ZFAND3: variants seen among roughly 807,000 people sequenced by gnomAD.
ZFAND3 encodes zinc finger AN1-type containing 3.
Under a neutral mutation model 29.6 loss-of-function variants are expected in ZFAND3, and 10 were observed. The ratio of observed to expected loss-of-function variants is 0.34; its 90% CI spans 0.21 to 0.57. ZFAND3 has a LOEUF of 0.57. ZFAND3 is among the 20% of genes least tolerant of loss of function. The pLI is 0.86. For missense variants in ZFAND3, 230 were observed against 304.5 expected (o/e 0.76, Z 1.82); for synonymous variants, 128 against 112.6 (o/e 1.14, Z -0.87).
intron 1 of ZFAND3, among the ~76,000 whole-genome samples, chr6:37,877,151 T>C (rs561001184): frequency 6.6e-6 from 1 of 152,318 alleles, no homozygotes; most frequent in Admixed American, 6.5e-5. Flanking sequence ...ATCAATAAAG[T>C]GGGTGATTTA....
At chr6:38,082,558 C>G in intron 4 of ZFAND3, 101 bp downstream of exon 4, 1 of 1,115,494 alleles carries the variant, frequency 9.0e-7, no homozygotes, top group South Asian at 1.4e-5. Context: ...ACTCTGATTT[C>G]TTCCGTCAGT....
chr6:37,981,873 A>T (rs150270908), intron 2 of ZFAND3, among the ~76,000 whole-genome samples: 6 of 152,270 alleles, frequency 3.9e-5, no homozygotes, highest in Admixed American at 2.0e-4. Context: ...TTGGTTTTAT[A>T]TATTTTAAGG....
At position 38,116,753 on chromosome 6, in the gene ZFAND3, C is replaced by T. The variant is rs1316255196; in HGVS notation, c.529+14C>T. 1 of 1,612,142 alleles carries T rather than the reference C, an allele frequency of 6.2e-7. No homozygotes were observed. The highest frequency in any genetic ancestry group is 1.1e-5 in the South Asian group (1 of 90,958). On this transcript the variant is annotated intron_variant, in intron 5 of 5. Coordinates refer to ENST00000287218, the MANE Select transcript of ZFAND3 (RefSeq NM_021943.3). ...CGTGTCGCTGCGGTAAGCATCTCCCCCAGTGGCGTGATGGAGACTATATCC... is the reference window on the plus strand; with the variant it reads ...CGTGTCGCTGCGGTAAGCATCTCCCTCAGTGGCGTGATGGAGACTATATCC...
At chr6:37,896,554 C>CTT (rs150225875) in intron 1 of ZFAND3, among the ~76,000 whole-genome samples, 1 of 137,698 alleles carries the variant, frequency 7.3e-6, no homozygotes, top group African/African-American at 2.8e-5. Context: ...TTCTTTCTTT[C>CTT]TTTCTTTCTT....
rs933082017 is a variant in ZFAND3 at position 37,828,854 on chromosome 6, G to A, written c.71+8838G>A. Reference sequence around the variant, plus strand: ...TTTAGTAGAGACGGGGTTTCACCGTGTTAGCCAGGATGGTCTCAATCTCCT... The same window carrying A: ...TTTAGTAGAGACGGGGTTTCACCGTATTAGCCAGGATGGTCTCAATCTCCT... On this transcript the variant is annotated intron_variant, in intron 1 of 5. Coordinates refer to ENST00000287218, the MANE Select transcript of ZFAND3 (RefSeq NM_021943.3). Among the ~76,000 whole-genome samples the A allele has an allele frequency of 7.9e-5, 12 of 152,162 alleles. 1 individual carries two copies. In the East Asian group the frequency reaches 2.1e-3, roughly 27 times the overall value.
At chr6:37,991,072 T>C (rs1386657799) in intron 2 of ZFAND3, among the ~76,000 whole-genome samples, 2 of 151,544 alleles carry the variant, frequency 1.3e-5, no homozygotes, top group African/African-American at 4.8e-5. Context: ...TTGAAAGATC[T>C]CTTTTTTTAA....
intron 3 of ZFAND3, among the ~76,000 whole-genome samples, chr6:38,070,414 A>G (rs865855452): frequency 7.0e-4 from 69 of 99,154 alleles, no homozygotes; most frequent in African/African-American, 1.7e-3. Context: ...AACTTAGTCT[A>G]AAAAAAAAAA....
rs1766275433 is a variant in ZFAND3, at chr6:38,153,358, T to C, written c.*969T>C. 2 of 985,506 alleles carry C rather than the reference T, an allele frequency of 2.0e-6. No individual in the cohort carries two copies. Among genetic ancestry groups the C allele is most frequent in the East Asian group, 2.3e-4 (2 of 8,818 alleles). The allele number at this position is 985,506 out of a possible 1,614,324, so 61.0% of individuals were successfully genotyped here. A position where few individuals can be genotyped will look rare whatever the true frequency, so the allele number is the denominator to read the frequency against. On this transcript the variant is annotated 3_prime_UTR_variant, in exon 6 of 6. Transcript: ENST00000287218. Reference sequence around the variant, plus strand: ...GCTGCCGCCCACGGGCTCTGCCCCTTCCAGCTGGAGCCGCCCGTGCCTCCA... The same window carrying C: ...GCTGCCGCCCACGGGCTCTGCCCCTCCCAGCTGGAGCCGCCCGTGCCTCCA...
intron 1 of ZFAND3, 84 bp downstream of exon 1, chr6:37,820,100 G>A: frequency 1.8e-6 from 2 of 1,108,430 alleles, no homozygotes; most frequent in African/African-American, 3.3e-5. Context: ...CGGGGCCCGG[G>A]AGGCCGGAAC....
chr6:38,127,648 TACCACCAGAATTAG>T (rs1398819158), intron 5 of ZFAND3, among the ~76,000 whole-genome samples: 65 of 152,110 alleles, frequency 4.3e-4, no homozygotes, highest in African/African-American at 1.5e-3. Context: ...TAGAATCACG[TACCACCAGAATTAG>T]AAGGAGCCTT....
intron 3 of ZFAND3, 147 bp from the exon 4 acceptor site, chr6:38,082,245 C>A: frequency 1.6e-6 from 1 of 634,408 alleles, no homozygotes; most frequent in Non-Finnish European, 2.7e-6. Flanking sequence ...AGAATTAACC[C>A]ACCACCACCG....
intron 3 of ZFAND3, among the ~76,000 whole-genome samples, chr6:38,065,386 CAA>C (rs1319393799): frequency 6.6e-6 from 1 of 151,476 alleles, no homozygotes; most frequent in East Asian, 1.9e-4. Context: ...ACTTAAGGAG[CAA>C]AAAGGATAGA....
chr6:38,144,190 T>TATATA (rs1766030154), intron 5 of ZFAND3, among the ~76,000 whole-genome samples: 3 of 41,172 alleles, frequency 7.3e-5, no homozygotes, highest in African/African-American at 3.9e-4. Context: ...ATATAATATA[T>TATATA]ATATATATAT....
intron 1 of ZFAND3, among the ~76,000 whole-genome samples, chr6:37,845,501 G>A (rs925363767): frequency 2.6e-5 from 4 of 152,206 alleles, no homozygotes; most frequent in African/African-American, 9.7e-5. Flanking sequence ...GTAGAAAAAT[G>A]TCAGATTTCC....
intron 1 of ZFAND3, among the ~76,000 whole-genome samples, chr6:37,921,800 C>A (rs1293841527): frequency 3.3e-5 from 5 of 150,570 alleles, no homozygotes; most frequent in Non-Finnish European, 7.4e-5. Context: ...AATCGCAGCA[C>A]TTTGGGTGGC....
intron 1 of ZFAND3, among the ~76,000 whole-genome samples, chr6:37,855,889 A>G (rs949901083): frequency 6.6e-6 from 1 of 152,128 alleles, no homozygotes; most frequent in Non-Finnish European, 1.5e-5. Flanking sequence ...CAGGCATAAT[A>G]TTACATTATA....
chr6:38,007,201 T>C (rs1286238174), intron 2 of ZFAND3, among the ~76,000 whole-genome samples: 2 of 152,196 alleles, frequency 1.3e-5, no homozygotes, highest in Non-Finnish European at 2.9e-5. Context: ...AAAACTGATA[T>C]TGTCCTTCTC....
intron 5 of ZFAND3, among the ~76,000 whole-genome samples, chr6:38,136,546 G>A (rs548581654): frequency 6.6e-6 from 1 of 152,320 alleles, no homozygotes; most frequent in African/African-American, 2.4e-5. Context: ...GGATGAGTGT[G>A]TTCCATGCCG....
At chr6:37,896,522 C>CTTTCTT (rs1554153815) in intron 1 of ZFAND3, among the ~76,000 whole-genome samples, 1 of 105,336 alleles carries the variant, frequency 9.5e-6, no homozygotes, top group East Asian at 2.6e-4. Flanking sequence ...TCTTTTCTTT[C>CTTTCTT]TTTCTTTCTT....
Sources: allele counts gnomAD v4.1 joint callset (sites outside exome capture counted in the v4.1 genomes callset), GRCh38; gene constraint gnomAD v4.1.1; transcripts MANE v1.5; gene names NCBI Gene and HGNC (gene_info 2026-07-23, HGNC 2026-07-21).